Variants in L3MBTL4 observed in about 807,000 individuals in gnomAD.
L3MBTL4 encodes the protein L3MBTL histone methyl-lysine binding protein 4, also known as lethal(3)malignant brain tumor-like protein 4.
L3MBTL4 carries 70 observed loss-of-function variants against 84.5 expected under a neutral mutation model. The ratio of observed to expected loss-of-function variants is 0.83; its 90% CI spans 0.68 to 1.01. L3MBTL4 has a LOEUF of 1.01. Ranked by LOEUF, L3MBTL4 falls within the 50% of genes least tolerant of loss-of-function variation. The pLI is 0.00. For missense variants in L3MBTL4, 715 were observed against 754.8 expected, an observed-to-expected ratio of 0.95 and a Z score of 0.62; for synonymous variants, 274 against 259.8, an observed-to-expected ratio of 1.05 and a Z score of -0.52.
At chr18:6,079,731 A>G (rs2058004290) in intron 16 of L3MBTL4, among the ~76,000 whole-genome samples, 1 of 152,204 alleles carries the variant, frequency 6.6e-6, no homozygotes, top group South Asian at 2.1e-4. Flanking sequence ...GGCTTCTTAC[A>G]TGGTTCCAAA....
chr18:6,299,010 A>T (rs765245528), intron 4 of L3MBTL4, among the ~76,000 whole-genome samples: 1 of 152,226 alleles, frequency 6.6e-6, no homozygotes, highest in Non-Finnish European at 1.5e-5. Flanking sequence ...CAACTGAATA[A>T]ATCTGTTGTT....
Position 6,112,295 on chromosome 18 carries a change from T to C in L3MBTL4, c.1200-18767A>G, listed in dbSNP as rs1206018052. Among the ~76,000 whole-genome samples, 3 of 152,216 alleles carry C rather than the reference T, an allele frequency of 2.0e-5. No individual in the cohort carries two copies. The East Asian group carries it at 5.8e-4, about 29-fold the overall frequency. ...TTTTTAAAAGGAATTGATCCTAACA[T>C]TACATTCTTTGACAACCGAGGATCG... On this transcript the variant is annotated intron_variant, in intron 14 of 18. Transcript: ENST00000317931.
At chr18:6,014,735 G>C (rs2054886924) in intron 16 of L3MBTL4, among the ~76,000 whole-genome samples, 1 of 152,160 alleles carries the variant, frequency 6.6e-6, no homozygotes, top group African/African-American at 2.4e-5. Flanking sequence ...AAAGGGTTTT[G>C]TTAAGAAAAC....
chr18:6,044,402 C>G (rs552934468), intron 16 of L3MBTL4, among the ~76,000 whole-genome samples: 4 of 152,174 alleles, frequency 2.6e-5, no homozygotes, highest in African/African-American at 9.7e-5. Context: ...ACTGCCCTAT[C>G]TATCTCTTTT....
At chr18:6,257,645 CTTTTTTT>C (rs770563046) in intron 5 of L3MBTL4, among the ~76,000 whole-genome samples, 21 of 127,492 alleles carry the variant, frequency 1.6e-4, no homozygotes, top group Admixed American at 8.7e-4. Flanking sequence ...TTTTCTTTTT[CTTTTTTT>C]TTTTTTTTTT....
chr18:6,149,881 TTC>T (rs1330671084), intron 13 of L3MBTL4, among the ~76,000 whole-genome samples: 1 of 152,048 alleles, frequency 6.6e-6, no homozygotes, highest in East Asian at 1.9e-4. Flanking sequence ...CATTCACTCA[TTC>T]TCTCTCTCTC....
At chr18:6,018,137 A>G (rs976115337) in intron 16 of L3MBTL4, among the ~76,000 whole-genome samples, 2 of 152,156 alleles carry the variant, frequency 1.3e-5, no homozygotes, top group African/African-American at 2.4e-5. Flanking sequence ...CTCACGGTAG[A>G]GGTGACACCA....
intron 12 of L3MBTL4, among the ~76,000 whole-genome samples, chr18:6,196,675 GA>G (rs1404493514): frequency 6.6e-6 from 1 of 152,192 alleles, no homozygotes; most frequent in East Asian, 1.9e-4. Context: ...TTCTCAGTGT[GA>G]AAAATGCTCA....
At chr18:6,360,603 G>A (rs895295040) in intron 1 of L3MBTL4, among the ~76,000 whole-genome samples, 3 of 151,970 alleles carry the variant, frequency 2.0e-5, no homozygotes, top group Non-Finnish European at 4.4e-5. Context: ...TAGACCACGA[G>A]ATGGTGATCA....
chr18:6,255,636 C>T (rs1395224253), intron 5 of L3MBTL4, among the ~76,000 whole-genome samples: 1 of 152,086 alleles, frequency 6.6e-6, no homozygotes, highest in Non-Finnish European at 1.5e-5. Context: ...TCTCGATATG[C>T]CTTGTGATTT....
chr18:6,236,745 A>AGGG (rs2047231740), intron 10 of L3MBTL4, among the ~76,000 whole-genome samples: 1 of 152,152 alleles, frequency 6.6e-6, no homozygotes, highest in African/African-American at 2.4e-5. Flanking sequence ...TATTTCATAA[A>AGGG]CCTTTCTAGA....
rs35746580 is a variant in L3MBTL4 at position 6,144,196 on chromosome 18, C to CAA, written c.1097-5902_1097-5901dup. ...GGGCGACAGAGTGAGACTCCATCTC[C>CAA]AAAAAAAAAAAAAAAAAAAAAAAAG... On this transcript the variant is annotated intron_variant, in intron 13 of 18. Transcript: ENST00000317931. Among the ~76,000 whole-genome samples the CAA allele has an allele frequency of 2.7e-3, 159 of 57,848 alleles. 3 individuals are homozygous for CAA. Among genetic ancestry groups the CAA allele is most frequent in the East Asian group, 9.3e-3 (16 of 1,720 alleles). 38.0% of individuals were successfully genotyped at this position (57,848 alleles called of 152,430 possible).
chr18:6,028,161 T>C (rs1265404984), intron 16 of L3MBTL4, among the ~76,000 whole-genome samples: 4 of 152,236 alleles, frequency 2.6e-5, no homozygotes, highest in Non-Finnish European at 5.9e-5. Context: ...AGGGTTTTTA[T>C]GGTTTTGGGT....
At chr18:6,295,346 C>CTCTCTCTATATATATATATATA (rs1261475809) in intron 4 of L3MBTL4, among the ~76,000 whole-genome samples, 1 of 81,386 alleles carries the variant, frequency 1.2e-5, no homozygotes, top group African/African-American at 6.6e-5. Context: ...CTCTCTCTCT[C>CTCTCTCTATATATATATATATA]TATATATATA....
chr18:6,246,882 T>A (rs2047686674), intron 5 of L3MBTL4, among the ~76,000 whole-genome samples: 1 of 151,842 alleles, frequency 6.6e-6, no homozygotes, highest in African/African-American at 2.4e-5. Flanking sequence ...CCAGCCTGGA[T>A]GACAGAGTGA....
chr18:6,090,107 C>A (rs561228253), intron 15 of L3MBTL4, among the ~76,000 whole-genome samples: 4 of 151,956 alleles, frequency 2.6e-5, no homozygotes, highest in Non-Finnish European at 5.9e-5. Flanking sequence ...TAATGCACCA[C>A]GAATGTAATA....
chr18:6,397,318 C>G (rs1044733134), intron 1 of L3MBTL4: 15 of 152,200 alleles, frequency 9.9e-5, no homozygotes, highest in African/African-American at 3.6e-4. Flanking sequence ...GCAGCCTATA[C>G]TATGCTGAGT....
intron 14 of L3MBTL4, among the ~76,000 whole-genome samples, chr18:6,112,599 T>TA (rs2144122684): frequency 6.6e-6 from 1 of 152,292 alleles, no homozygotes; most frequent in South Asian, 2.1e-4. Context: ...GTCCCTATTT[T>TA]AAAATCTCTG....
At position 5,968,526 on chromosome 18, in the gene L3MBTL4, C is replaced by T. The variant is rs973035941; in HGVS notation, c.1614+867G>A. On this transcript the variant is annotated intron_variant, in intron 17 of 18. Transcript: ENST00000317931. ...TAGCATGGGCAACATAATGAGACCC[C>T]GTATCCACAAAACAAAAAAAATTAG... is the stretch of plus-strand genomic sequence containing the variant. Among the ~76,000 whole-genome samples the T allele has an allele frequency of 2.6e-5, 4 of 151,720 alleles. No individual in the cohort carries two copies. The East Asian group carries it at 7.7e-4, about 29-fold the overall frequency.
Sources: allele counts gnomAD v4.1 joint callset (sites outside exome capture counted in the v4.1 genomes callset), GRCh38; gene constraint gnomAD v4.1.1; transcripts MANE v1.5; gene names NCBI Gene and HGNC (gene_info 2026-07-23, HGNC 2026-07-21).